The following PCDHGB1 variants were observed in gnomAD, a reference collection of about 807,000 sequenced individuals.
PCDHGB1 encodes the protein protocadherin gamma subfamily B, 1.
PCDHGB1 carries 34 observed loss-of-function variants against 56.6 expected under a neutral mutation model. That is an observed-to-expected ratio of 0.60 (90% CI 0.46 to 0.80). The LOEUF (loss-of-function observed/expected upper bound fraction) is 0.80, where lower values mean the gene tolerates loss of function less well. Among genes scored for constraint, PCDHGB1 ranks in the 30% least tolerant of loss-of-function variants. The pLI is 0.00. For synonymous variants in PCDHGB1, 561 were observed against 505.9 expected (o/e 1.11, Z -1.46); for missense variants, 1,278 against 1,204.6 (o/e 1.06, Z -0.90).
intron 1 of PCDHGB1, chr5:141,382,604 A>G (rs746848430): frequency 2.6e-5 from 7 of 268,716 alleles, no homozygotes; most frequent in Non-Finnish European, 3.5e-5. Flanking sequence ...ACAATTTTCT[A>G]TGAAATCAGT....
intron 1 of PCDHGB1, chr5:141,409,345 A>G (rs1012428329): frequency 6.2e-7 from 1 of 1,614,020 alleles, no homozygotes; most frequent in Non-Finnish European, 8.5e-7. Flanking sequence ...GAAATGGAGA[A>G]GTCAGGTGTA....
chr5:141,421,384 C>T (rs960627405), intron 1 of PCDHGB1: 5 of 1,613,928 alleles, frequency 3.1e-6, no homozygotes, highest in Non-Finnish European at 4.2e-6. Context: ...CTCCAAGGAC[C>T]TGGGGCTGGA....
Position 141,361,067 on chromosome 5 carries a change from T to C in PCDHGB1, c.2409+8398T>C, listed in dbSNP as rs372172777. On this transcript the variant is annotated intron_variant, in intron 1 of 3. Transcript: ENST00000523390. ...ACAAAGGATGATTTGGATTTTGAGA[T>C]TGCAAGTAGTTACACTCTGAGTATC... 4.3e-6 allele frequency: 7 copies of C among 1,613,804 alleles called. 1 individual carries two copies. In the South Asian group the frequency reaches 5.5e-5, roughly 13 times the overall value.
At chr5:141,463,581 T>TG (rs2099064477) in intron 1 of PCDHGB1, among the ~76,000 whole-genome samples, 1 of 151,502 alleles carries the variant, frequency 6.6e-6, no homozygotes, top group Non-Finnish European at 1.5e-5. Context: ...CCCGAGTAGC[T>TG]GGGACTACAG....
At chr5:141,370,552 A>T in intron 1 of PCDHGB1, 2 of 1,613,806 alleles carry the variant, frequency 1.2e-6, no homozygotes, top group Non-Finnish European at 1.7e-6. Context: ...CTCGCCAAGG[A>T]CCTGGGGTTT....
intron 1 of PCDHGB1, chr5:141,378,088 T>C (rs1218204650): frequency 6.6e-6 from 1 of 152,252 alleles, no homozygotes; most frequent in Non-Finnish European, 1.5e-5. Flanking sequence ...TTATAACTTT[T>C]TTTCAAACTC....
chr5:141,476,078 C>G lies in PCDHGB1; in HGVS notation c.2410-18729C>G. On this transcript the variant is annotated intron_variant, in intron 1 of 3. Transcript: ENST00000523390. The surrounding 1 kb of genome is among the most constrained non-coding windows in gnomAD (Gnocchi z 7.6). ...AAGTTTCTCAGCGAAATCTCAGGGA[C>G]GATCTGGACCCCGCTGAGAGGAACT... is the stretch of plus-strand genomic sequence containing the variant. 1 of 1,528,034 alleles carries G rather than the reference C, an allele frequency of 6.5e-7. No homozygotes were observed. 94.7% of individuals were successfully genotyped at this position (1,528,034 alleles called of 1,614,324 possible).
rs1022748155 is a variant in PCDHGB1, at chr5:141,355,704, G to C, written c.2409+3035G>C. On this transcript the variant is annotated intron_variant, in intron 1 of 3. Transcript: ENST00000523390. ...CGGATGTAGGTGTAAACTCCCTGCA[G>C]GGTTACCAGCTCAACTCAAACGGTT... 1 of 1,613,986 alleles carries C rather than the reference G, an allele frequency of 6.2e-7. No individual in the cohort carries two copies. Among genetic ancestry groups the C allele is most frequent in the Admixed American group, 1.7e-5 (1 of 60,020 alleles).
At position 141,473,122 on chromosome 5, in the gene PCDHGB1, T is replaced by C. The variant is rs533113606; in HGVS notation, c.2410-21685T>C. On this transcript the variant is annotated intron_variant, in intron 1 of 3. Coordinates refer to ENST00000523390, the MANE Select transcript of PCDHGB1 (RefSeq NM_018922.3). ...TATTACCACACTTTACTTGGCTCTT[T>C]GGCAAACTATATTATCTCTTCAGAT... Among the ~76,000 whole-genome samples, 3 of 152,362 alleles carry C rather than the reference T, an allele frequency of 2.0e-5. No homozygotes were observed. In the East Asian group the frequency reaches 5.8e-4, roughly 29 times the overall value.
At chr5:141,383,417 G>A in intron 1 of PCDHGB1, 1 of 1,614,014 alleles carries the variant, frequency 6.2e-7, no homozygotes, top group African/African-American at 1.3e-5. Flanking sequence ...TACCAGCTCA[G>A]CCCCAATCGC....
intron 1 of PCDHGB1, chr5:141,362,139 G>A (rs1162182295): frequency 1.2e-6 from 2 of 1,614,030 alleles, no homozygotes; most frequent in Admixed American, 1.7e-5. Flanking sequence ...CGGATAGCCT[G>A]CAAGAGGTAT....
chr5:141,478,109 T>C, intron 1 of PCDHGB1: 1 of 1,614,086 alleles, frequency 6.2e-7, no homozygotes, highest in Non-Finnish European at 8.5e-7. Context: ...CCTCACTGTG[T>C]CAGTAACCGA....
At chr5:141,388,635 C>G (rs1441074974) in intron 1 of PCDHGB1, 7 of 1,613,896 alleles carry the variant, frequency 4.3e-6, no homozygotes, top group Non-Finnish European at 5.9e-6. Context: ...CAGGGTGAGC[C>G]TTTCAGAAAA....
Position 141,485,060 on chromosome 5 carries a change from G to T in PCDHGB1, c.2410-9747G>T. The T allele has an allele frequency of 1.2e-6, 1 of 862,304 alleles. No individual in the cohort carries two copies. 53.4% of individuals were successfully genotyped at this position (862,304 alleles called of 1,614,324 possible). ...ACCCTTGCGGCGCCGGCCGAACCGC[G>T]CCAGAGCTGGCGCGGGGAAAGGGAG... On this transcript the variant is annotated intron_variant, in intron 1 of 3. Coordinates refer to ENST00000523390, the MANE Select transcript of PCDHGB1 (RefSeq NM_018922.3). The surrounding 1 kb of genome is among the most constrained non-coding windows in gnomAD (Gnocchi z 5.7).
At chr5:141,457,532 T>C (rs2098923599) in intron 1 of PCDHGB1, among the ~76,000 whole-genome samples, 1 of 152,058 alleles carries the variant, frequency 6.6e-6, no homozygotes, top group Admixed American at 6.6e-5. Flanking sequence ...GAGACTAGGG[T>C]TTAATGACAA....
At chr5:141,366,530 G>A (rs1367752989) in intron 1 of PCDHGB1, 4 of 1,614,230 alleles carry the variant, frequency 2.5e-6, no homozygotes, top group African/African-American at 1.3e-5. Flanking sequence ...CAGGTTGGCG[G>A]GTGTGCCCGC....
At chr5:141,361,549 G>C in intron 1 of PCDHGB1, 1 of 1,614,036 alleles carries the variant, frequency 6.2e-7, no homozygotes, top group Non-Finnish European at 8.5e-7. Flanking sequence ...CGCCTCTATC[G>C]CTCAAATCAG....
chr5:141,451,209 G>C (rs556588482), intron 1 of PCDHGB1, among the ~76,000 whole-genome samples: 1 of 152,266 alleles, frequency 6.6e-6, no homozygotes, highest in African/African-American at 2.4e-5. Flanking sequence ...CCAAAACTTA[G>C]TGGCTTAAAA....
chr5:141,452,533 A>G lies in PCDHGB1; in HGVS notation c.2410-42274A>G, dbSNP rs562306062. ...CACACTCCCTCAAAATCGTGAGTTC[A>G]TATTGATACCTCCAGTTCTGGTTCT... On this transcript the variant is annotated intron_variant, in intron 1 of 3. Transcript: ENST00000523390. Among the ~76,000 whole-genome samples the G allele has an allele frequency of 2.0e-5, 3 of 152,328 alleles. No individual in the cohort carries two copies. The East Asian group carries it at 5.8e-4, about 29-fold the overall frequency.
Sources: allele counts gnomAD v4.1 joint callset (sites outside exome capture counted in the v4.1 genomes callset), GRCh38; gene constraint gnomAD v4.1.1; non-coding constraint Gnocchi (gnomAD v3.1); transcripts MANE v1.5; gene names NCBI Gene and HGNC (gene_info 2026-07-23, HGNC 2026-07-21).